RBFOX1: variants seen among roughly 807,000 people sequenced by gnomAD.
RBFOX1 encodes RNA binding protein fox-1 homolog 1.
RBFOX1 carries 8 observed loss-of-function variants against 57.7 expected under a neutral mutation model. The observed-to-expected ratio is 0.14, with a 90% confidence interval of 0.08 to 0.25. RBFOX1 has a LOEUF of 0.25. RBFOX1 is among the 10% of genes least tolerant of loss of function. The pLI is 1.00. For synonymous variants in RBFOX1, 326 were observed against 222.4 expected (o/e 1.47, Z -4.15); for missense variants, 611 against 548.5 (o/e 1.11, Z -1.14).
chr16:5,851,511 T>C (rs556966467), intron 3 of RBFOX1, among the ~76,000 whole-genome samples: 4 of 152,262 alleles, frequency 2.6e-5, no homozygotes, highest in East Asian at 1.9e-4. Flanking sequence ...GATGAAATGC[T>C]CAGGGGTCAC....
chr16:6,568,873 A>G (rs967456150), intron 2 of RBFOX1, among the ~76,000 whole-genome samples: 1 of 151,986 alleles, frequency 6.6e-6, no homozygotes, highest in Non-Finnish European at 1.5e-5. Context: ...GGTTTAAGCG[A>G]TTATCCTGCC....
intron 3 of RBFOX1, among the ~76,000 whole-genome samples, chr16:5,639,105 C>T (rs937611661): frequency 2.0e-5 from 3 of 152,238 alleles, no homozygotes; most frequent in African/African-American, 7.2e-5. Context: ...GATACCTCTA[C>T]TCTAGAGACT....
intron 2 of RBFOX1, among the ~76,000 whole-genome samples, chr16:6,482,973 G>A (rs979771241): frequency 6.6e-6 from 1 of 152,226 alleles, no homozygotes; most frequent in African/African-American, 2.4e-5. Flanking sequence ...GCCCTATTCT[G>A]TCATGTGGTA....
chr16:6,468,640 C>T (rs2095105949), intron 2 of RBFOX1, among the ~76,000 whole-genome samples: 2 of 151,790 alleles, frequency 1.3e-5, no homozygotes, highest in South Asian at 2.1e-4. Context: ...TTTGCAAAAA[C>T]AAATAAAACC....
chr16:6,130,806 A>G (rs2096624197), intron 1 of RBFOX1, among the ~76,000 whole-genome samples: 1 of 152,172 alleles, frequency 6.6e-6, no homozygotes, highest in African/African-American at 2.4e-5. Context: ...CAAATGGTTA[A>G]TTCATGAGGA....
intron 3 of RBFOX1, among the ~76,000 whole-genome samples, chr16:7,036,710 CAAAAAAAACAAAAAACAAACAAAGA>C (rs1429352149): frequency 7.8e-6 from 1 of 128,102 alleles, no homozygotes; most frequent in Non-Finnish European, 1.7e-5. Flanking sequence ...AACAAACAAA[CAAAAAAAACAAAAAACAAACAAAGA>C]AAAAAAAAAA....
intron 2 of RBFOX1, among the ~76,000 whole-genome samples, chr16:6,572,095 G>A (rs2097352753): frequency 6.6e-6 from 1 of 152,132 alleles, no homozygotes; most frequent in Admixed American, 6.6e-5. Context: ...CACTTAGCAA[G>A]CGTTCCAGGG....
chr16:6,519,303 T>A (rs28469727), intron 2 of RBFOX1, among the ~76,000 whole-genome samples: 2,116 of 152,276 alleles, frequency 0.014, 49 homozygotes, highest in African/African-American at 0.049. Flanking sequence ...GTGATACTAT[T>A]GTGTTGCATT....
At chr16:6,520,736 G>A (rs1270914783) in intron 2 of RBFOX1, among the ~76,000 whole-genome samples, 1 of 152,124 alleles carries the variant, frequency 6.6e-6, no homozygotes, top group Admixed American at 6.6e-5. Context: ...CCTCTAAGTG[G>A]CTTCGTTTCG....
chr16:5,787,153 G>A (rs188521370), intron 3 of RBFOX1, among the ~76,000 whole-genome samples: 105 of 152,212 alleles, frequency 6.9e-4, no homozygotes, highest in African/African-American at 2.2e-3. Flanking sequence ...TAATAACACA[G>A]GAGGAGCTCA....
intron 3 of RBFOX1, among the ~76,000 whole-genome samples, chr16:6,879,826 T>C (rs1361022371): frequency 3.9e-5 from 6 of 152,234 alleles, no homozygotes. Context: ...TTTATGATGT[T>C]AAATTTACAA....
chr16:5,247,251 G>C (rs1360437453), intron 1 of RBFOX1, among the ~76,000 whole-genome samples: 2 of 152,212 alleles, frequency 1.3e-5, no homozygotes, highest in East Asian at 3.8e-4. Flanking sequence ...AGGAAGTGCA[G>C]GATGCTCCTG....
chr16:5,725,792 TC>T (rs2052128558), intron 3 of RBFOX1, among the ~76,000 whole-genome samples: 1 of 151,860 alleles, frequency 6.6e-6, no homozygotes, highest in Admixed American at 6.6e-5. Context: ...AGCTGCCCTC[TC>T]CCCACTCAGG....
chr16:7,314,201 C>T (rs2096386465), intron 4 of RBFOX1, among the ~76,000 whole-genome samples: 1 of 152,134 alleles, frequency 6.6e-6, no homozygotes, highest in Non-Finnish European at 1.5e-5. Context: ...TTCCAATCCC[C>T]AAATCTCTGT....
chr16:6,514,576 G>A (rs916825057), intron 2 of RBFOX1, among the ~76,000 whole-genome samples: 2 of 152,082 alleles, frequency 1.3e-5, no homozygotes, highest in African/African-American at 2.4e-5. Flanking sequence ...GCACGTATGT[G>A]GGGGAGCATT....
At chr16:6,870,482 G>T (rs2060679938) in intron 3 of RBFOX1, among the ~76,000 whole-genome samples, 1 of 152,150 alleles carries the variant, frequency 6.6e-6, no homozygotes, top group Non-Finnish European at 1.5e-5. Flanking sequence ...TCACAACAAG[G>T]ATTTAAGAGC....
intron 4 of RBFOX1, among the ~76,000 whole-genome samples, chr16:7,265,024 A>T (rs1361673718): frequency 2.0e-5 from 3 of 152,266 alleles, no homozygotes; most frequent in African/African-American, 7.2e-5. Context: ...TCTGGACTTC[A>T]AAGCAGGCCA....
chr16:5,278,537 T>C (rs1333319297), intron 1 of RBFOX1, among the ~76,000 whole-genome samples: 12 of 152,206 alleles, frequency 7.9e-5, no homozygotes. Context: ...TTTTTATATA[T>C]GCTGTAAGGG....
At chr16:6,677,665 T>G (rs974695448) in intron 3 of RBFOX1, among the ~76,000 whole-genome samples, 2 of 152,200 alleles carry the variant, frequency 1.3e-5, no homozygotes, top group African/African-American at 4.8e-5. Context: ...TTTGGGCTGT[T>G]CCAAAGTTGG....
Sources: allele counts gnomAD v4.1 joint callset (sites outside exome capture counted in the v4.1 genomes callset), GRCh38; gene constraint gnomAD v4.1.1; transcripts MANE v1.5; gene names NCBI Gene and HGNC (gene_info 2026-07-23, HGNC 2026-07-21).